Variants in TNKS1BP1 observed in about 807,000 individuals in gnomAD.
The protein encoded by TNKS1BP1 is 182 kDa tankyrase-1-binding protein.
TNKS1BP1 carries 48 observed loss-of-function variants against 141.1 expected under a neutral mutation model. The ratio of observed to expected loss-of-function variants is 0.34; its 90% CI spans 0.27 to 0.43. The LOEUF is 0.43. Among genes scored for constraint, TNKS1BP1 ranks in the 20% least tolerant of loss-of-function variants. The pLI is 1.00. For missense variants in TNKS1BP1, 2,149 were observed against 2,226.0 expected (o/e 0.97, Z 0.70); for synonymous variants, 875 against 898.2 (o/e 0.97, Z 0.46).
rs1855647978 is a variant in TNKS1BP1 at position 57,308,506 on chromosome 11, C to A, written c.4205G>T (p.Gly1402Val). 6.2e-7 allele frequency: 1 copy of A among 1,614,164 alleles called. No homozygotes were observed. Among genetic ancestry groups the A allele is most frequent in the Non-Finnish European group, 8.5e-7 (1 of 1,180,020 alleles). Residue 1402 changes from glycine (G) to valine (V), a missense_variant, in exon 6 of 12, where the codon GGT (glycine) becomes GTT (valine). Gly to Val is a moderately radical substitution (Grantham distance 109). Coordinates refer to ENST00000358252, the MANE Select transcript of TNKS1BP1 (RefSeq NM_033396.3). ...DPLEARELGV[G>V]ETSGPETQGE... is the part of the protein sequence containing the mutation. The stretch of plus-strand genomic sequence containing the variant: ...CTGGGTCTCTGGCCCACTTGTCTCA[C>A]CAACCCCCAGCTCCCTGGCCTCCAA...
At chr11:57,323,876 T>C (rs1855922159) in intron 1 of TNKS1BP1, among the ~76,000 whole-genome samples, 1 of 152,238 alleles carries the variant, frequency 6.6e-6, no homozygotes, top group Non-Finnish European at 1.5e-5. Context: ...CCTGGGGTTC[T>C]GATGGGCCCC....
chr11:57,312,924 C>G lies in TNKS1BP1; in HGVS notation c.1764G>C (p.Glu588Asp). Residue 588 changes from glutamate to aspartate, a missense_variant, in exon 5 of 12, where the codon GAG becomes GAC. By Grantham distance (45) the Glu-to-Asp change is conservative. Transcript: ENST00000358252. ...CCAAGGGCTCCTGCGACTCGTATCT[C>G]TCCTCTGCCTGCTGCAAAGGTAATC... The part of the protein sequence containing the change: ...TPGLPLQQAE[E>D]RYESQEPLAG... The G allele has an allele frequency of 6.2e-7, 1 of 1,612,882 alleles. No homozygotes were observed. Among genetic ancestry groups the G allele is most frequent in the South Asian group, 1.1e-5 (1 of 90,904 alleles).
At chr11:57,300,695 G>A in intron 10 of TNKS1BP1, 95 bp from the exon 11 acceptor site, 1 of 1,551,096 alleles carries the variant, frequency 6.4e-7, no homozygotes, top group Non-Finnish European at 8.9e-7. Flanking sequence ...CCTCTAACCA[G>A]AAGAGGCAGT....
chr11:57,318,870 C>T (rs1289526248), intron 3 of TNKS1BP1, among the ~76,000 whole-genome samples: 1 of 152,228 alleles, frequency 6.6e-6, no homozygotes, highest in Non-Finnish European at 1.5e-5. Context: ...TCTCGCAGGG[C>T]GCAGTGGCTC....
intron 1 of TNKS1BP1, 133 bp from the exon 2 acceptor site, chr11:57,322,083 G>T (rs568053432): frequency 1.2e-5 from 7 of 589,110 alleles, no homozygotes; most frequent in Middle Eastern, 5.8e-4. Flanking sequence ...GGGGGGGGGG[G>T]GTAGGAGGAG....
At chr11:57,306,693 G>T (rs967343002) in intron 6 of TNKS1BP1, among the ~76,000 whole-genome samples, 14 of 152,164 alleles carry the variant, frequency 9.2e-5, no homozygotes, top group Non-Finnish European at 2.1e-4. Context: ...TCGGGTTAAA[G>T]TCAACACTGG....
In TNKS1BP1 at chr11:57,302,556, G is replaced by A. The variant is rs759723584; in HGVS notation, c.4586C>T (p.Ala1529Val). Residue 1529 changes from alanine to valine, a missense_variant, in exon 7 of 12, where the codon GCA becomes GTA. Transcript: ENST00000358252. The surrounding 1 kb of genome is among the most constrained non-coding windows in gnomAD (Gnocchi z 5.5). Reference sequence around the variant, plus strand: ...TGGCCCCTGATCGCTCCACCTGGCTGCTGAAGAGCCCCAGGTGCCATCCAC... The same window carrying A: ...TGGCCCCTGATCGCTCCACCTGGCTACTGAAGAGCCCCAGGTGCCATCCAC... ...EDVDGTWGSS[A>V]ARWSDQGPAQ... 3.7e-6 allele frequency: 6 copies of A among 1,613,162 alleles called. No homozygotes were observed. The East Asian group carries it at 1.3e-4, about 36-fold the overall frequency.
intron 6 of TNKS1BP1, among the ~76,000 whole-genome samples, chr11:57,304,955 G>A (rs1590577803): frequency 1.3e-5 from 2 of 152,110 alleles, no homozygotes; most frequent in African/African-American, 2.4e-5. Flanking sequence ...GAGCTCTGGA[G>A]GTGGCCTTGA....
At chr11:57,324,369 G>A (rs1276226291) in intron 1 of TNKS1BP1, among the ~76,000 whole-genome samples, 1 of 152,178 alleles carries the variant, frequency 6.6e-6, no homozygotes, top group Non-Finnish European at 1.5e-5. Context: ...AGGGGGCTGC[G>A]GTGGCGGCAG....
In TNKS1BP1 at chr11:57,301,854, C is replaced by G; in HGVS notation, c.4924G>C (p.Gly1642Arg). The G allele has an allele frequency of 6.2e-7, 1 of 1,614,148 alleles. No individual in the cohort carries two copies. The highest frequency in any genetic ancestry group is 2.2e-5 in the East Asian group (1 of 44,884). Residue 1642 changes from glycine to arginine, a missense_variant, in exon 9 of 12, where the codon GGG becomes CGG. By Grantham distance (125) the Gly-to-Arg change is moderately radical. Coordinates refer to ENST00000358252, the MANE Select transcript of TNKS1BP1 (RefSeq NM_033396.3). ...RRTRMSLGTK[G>R]LKVNLFPGLS... Reference sequence around the variant, plus strand: ...CCAGGAAAGAGGTTGACTTTCAGCCCCTTGGTGCCCAACGACATCCGTGTC... The same window carrying G: ...CCAGGAAAGAGGTTGACTTTCAGCCGCTTGGTGCCCAACGACATCCGTGTC...
At chr11:57,318,304 G>A (rs574649459) in intron 3 of TNKS1BP1, among the ~76,000 whole-genome samples, 2 of 152,238 alleles carry the variant, frequency 1.3e-5, no homozygotes, top group Non-Finnish European at 2.9e-5. Context: ...GAGGGGAAGA[G>A]GAAAGAGTGA....
At chr11:57,307,623 G>T (rs1166701369) in intron 6 of TNKS1BP1, among the ~76,000 whole-genome samples, 1 of 134,068 alleles carries the variant, frequency 7.5e-6, no homozygotes, top group South Asian at 2.3e-4. Flanking sequence ...CCACTGTGGG[G>T]CTGGAAAAGG....
At position 57,308,551 on chromosome 11, in the gene TNKS1BP1, C is replaced by A. The variant is rs750394395; in HGVS notation, c.4160G>T (p.Gly1387Val). The A allele has an allele frequency of 1.9e-6, 3 of 1,614,004 alleles. No individual in the cohort carries two copies. The highest frequency in any genetic ancestry group is 2.5e-6 in the Non-Finnish European group (3 of 1,180,018). The part of the protein sequence containing the change: ...GLRHNGSLSP[G>V]LEARDPLEAR... ...CTCCAAGGGGTCTCTGGCCTCCAGGCCAGGAGACAAGCTGCCATTGTGCCT... is the reference window on the plus strand; with the variant it reads ...CTCCAAGGGGTCTCTGGCCTCCAGGACAGGAGACAAGCTGCCATTGTGCCT... The change falls in exon 6 of 12, where the codon GGC becomes GTC. Residue 1387 changes from glycine to valine, a missense_variant. Gly to Val is a moderately radical substitution (Grantham distance 109). Transcript: ENST00000358252.
rs776983240 is a variant in TNKS1BP1 at position 57,320,718 on chromosome 11, A to G, written c.95-6T>C. Reference sequence around the variant, plus strand: ...GGGTTTGGCCCGAGTGTCACCTACCAAAAGGAAAGGGTTGGTGGGGGAGCT... The same window carrying G: ...GGGTTTGGCCCGAGTGTCACCTACCGAAAGGAAAGGGTTGGTGGGGGAGCT... On this transcript the variant is annotated splice_polypyrimidine_tract_variant and splice_region_variant and intron_variant, in intron 2 of 11. Coordinates refer to ENST00000358252, the MANE Select transcript of TNKS1BP1 (RefSeq NM_033396.3). 1 of 1,564,372 alleles carries G rather than the reference A, an allele frequency of 6.4e-7. No individual in the cohort carries two copies.
rs1855656519 is a variant in TNKS1BP1, at chr11:57,308,903, T to C, written c.3808A>G (p.Lys1270Glu). 6.2e-7 allele frequency: 1 copy of C among 1,613,838 alleles called. No homozygotes were observed. Among genetic ancestry groups the C allele is most frequent in the Non-Finnish European group, 8.5e-7 (1 of 1,180,010 alleles). The change falls in exon 6 of 12, where the codon AAA becomes GAA. Residue 1270 changes from lysine (K) to glutamate (E), a missense_variant. Physicochemically the swap from Lys to Glu is moderately conservative, Grantham distance 56 (BLOSUM62 1). Transcript: ENST00000358252. ...TGTCCAACTCCACGCTCCCTTGATT[T>C]AAGGAACTCTCCGGCCTCCACACCT... ...WSGVEAGEFL[K>E]SRERGVGQAD...
chr11:57,310,444 T>C lies in TNKS1BP1; in HGVS notation c.2267A>G (p.Tyr756Cys). ...SSWCQGASQDYGLGGASPRGD... is the reference protein window; with the variant it reads ...SSWCQGASQDCGLGGASPRGD... ...TCTAGGGCTTGCACCCCCAAGGCCA[T>C]AGTCCTGAGAAGCACCTTGACACCA... The change falls in exon 6 of 12, where the codon TAT becomes TGT. Residue 756 changes from tyrosine to cysteine, a missense_variant. Tyr to Cys is a radical substitution (Grantham distance 194). Transcript: ENST00000358252. 2 of 1,613,826 alleles carry C rather than the reference T, an allele frequency of 1.2e-6. No homozygotes were observed. The highest frequency in any genetic ancestry group is 1.6e-4 in the Middle Eastern group (1 of 6,062).
At chr11:57,306,812 C>G (rs1170758114) in intron 6 of TNKS1BP1, among the ~76,000 whole-genome samples, 1 of 151,886 alleles carries the variant, frequency 6.6e-6, no homozygotes, top group Non-Finnish European at 1.5e-5. Context: ...CGCCCCACCT[C>G]CCTCCATCCT....
At chr11:57,317,310 C>T (rs527326586) in intron 4 of TNKS1BP1, among the ~76,000 whole-genome samples, 7 of 152,288 alleles carry the variant, frequency 4.6e-5, no homozygotes, top group South Asian at 4.1e-4. Context: ...TCTTCAAGAA[C>T]GGGAGTATGA....
intron 11 of TNKS1BP1, among the ~76,000 whole-genome samples, 151 bp downstream of exon 11, chr11:57,300,377 C>G (rs571276715): frequency 2.6e-5 from 4 of 152,342 alleles, no homozygotes; most frequent in African/African-American, 9.6e-5. Flanking sequence ...AGCCAAGGGC[C>G]TACCGAGTCT....
Sources: gnomAD v4.1 joint callset for allele counts (sites outside exome capture counted in the v4.1 genomes callset) on GRCh38, gnomAD v4.1.1 for gene constraint, Gnocchi (gnomAD v3.1) non-coding constraint, MANE v1.5 for transcripts, NCBI Gene and HGNC (gene_info 2026-07-23, HGNC 2026-07-21) for gene names.